AURKA: variants seen among roughly 807,000 people sequenced by gnomAD.
AURKA encodes the protein aurora 2.
A neutral mutation model predicts 40.9 loss-of-function variants in AURKA; 12 were observed. The observed-to-expected ratio is 0.29, with a 90% CI of 0.19 to 0.48. The LOEUF (loss-of-function observed/expected upper bound fraction) is 0.48. Among genes scored for constraint, AURKA ranks in the 20% least tolerant of loss-of-function variants. The pLI is 0.99. For missense variants in AURKA, 322 were observed against 462.1 expected, an observed-to-expected ratio of 0.70 and a Z score of 2.78; for synonymous variants, 170 against 164.3, an observed-to-expected ratio of 1.03 and a Z score of -0.26.
intron 1 of AURKA, among the ~76,000 whole-genome samples, chr20:56,389,655 G>A (rs77382732): frequency 0.019 from 2,907 of 152,062 alleles, 41 homozygotes; most frequent in Non-Finnish European, 0.03. Flanking sequence ...TTATCTGAGC[G>A]GCATCTCCAT....
Position 56,386,502 on chromosome 20 carries a change from A to G in AURKA, c.74T>C (p.Val25Ala). 1 of 1,614,238 alleles carries G rather than the reference A, an allele frequency of 6.2e-7. No individual in the cohort carries two copies. Among genetic ancestry groups the G allele is most frequent in the Non-Finnish European group, 8.5e-7 (1 of 1,180,040 alleles). ...ATAPVGGPKR[V>A]LVTQQFPCQN... Reference sequence around the variant, plus strand: ...ACAAGGAAATTGCTGAGTCACGAGAACACGTTTTGGACCTCCAACTGGAGC... The same window carrying G: ...ACAAGGAAATTGCTGAGTCACGAGAGCACGTTTTGGACCTCCAACTGGAGC... The change falls in exon 3 of 9, where the codon GTT (valine) becomes GCT (alanine). Residue 25 changes from valine to alanine, a missense_variant. Val to Ala is a moderately conservative substitution (Grantham distance 64, BLOSUM62 0). Coordinates refer to ENST00000395915, the MANE Select transcript of AURKA (RefSeq NM_198437.3).
intron 7 of AURKA, among the ~76,000 whole-genome samples, chr20:56,372,594 G>T (rs1039984015): frequency 2.0e-5 from 3 of 147,120 alleles, no homozygotes; most frequent in Admixed American, 6.8e-5. Context: ...GGAACAATTA[G>T]AAGTGCTCTG....
At chr20:56,388,504 C>G in intron 1 of AURKA, 1 of 422,626 alleles carries the variant, frequency 2.4e-6, no homozygotes. Flanking sequence ...ACTGGCATAC[C>G]TGCTACCTTA....
In AURKA at chr20:56,370,360, A is replaced by T. The variant is rs1983977363; in HGVS notation, c.1030-20T>A. 1 of 1,614,040 alleles carries T rather than the reference A, an allele frequency of 6.2e-7. No individual in the cohort carries two copies. The highest frequency in any genetic ancestry group is 1.3e-5 in the African/African-American group (1 of 74,938). ...TTCAACCTGGAGTACAACAAATGAT[A>T]AAATATCACAAAACACAGGTTAGAG... On this transcript the variant is annotated intron_variant, in intron 8 of 8. Coordinates refer to ENST00000395915, the MANE Select transcript of AURKA (RefSeq NM_198437.3).
At chr20:56,380,269 C>A (rs1436516630) in intron 6 of AURKA, among the ~76,000 whole-genome samples, 1 of 150,666 alleles carries the variant, frequency 6.6e-6, no homozygotes, top group Non-Finnish European at 1.5e-5. Context: ...GCAGAAGAAT[C>A]GCTTCAACCT....
intron 5 of AURKA, among the ~76,000 whole-genome samples, 171 bp from the exon 6 acceptor site, chr20:56,381,742 A>G (rs561716777): frequency 6.6e-6 from 1 of 152,122 alleles, no homozygotes; most frequent in Non-Finnish European, 1.5e-5. Context: ...AAATACATAC[A>G]CCCACATATC....
At chr20:56,390,226 G>A (rs926711997) in intron 1 of AURKA, among the ~76,000 whole-genome samples, 1 of 151,804 alleles carries the variant, frequency 6.6e-6, no homozygotes, top group South Asian at 2.1e-4. Flanking sequence ...TAAGTCCCCT[G>A]CCATAAGCAT....
At chr20:56,371,829 A>G (rs1054407639) in intron 7 of AURKA, among the ~76,000 whole-genome samples, 1 of 152,240 alleles carries the variant, frequency 6.6e-6, no homozygotes, top group Non-Finnish European at 1.5e-5. Context: ...AGGAGTGATC[A>G]TGGTTCTAGT....
intron 4 of AURKA, among the ~76,000 whole-genome samples, chr20:56,383,405 G>A (rs963146305): frequency 6.6e-6 from 1 of 152,162 alleles, no homozygotes; most frequent in African/African-American, 2.4e-5. Context: ...GAGCAGTCTC[G>A]GGTTTTAGAC....
At position 56,386,275 on chromosome 20, in the gene AURKA, G is replaced by C. The variant is rs1986348512; in HGVS notation, c.301C>G (p.Pro101Ala). 6.2e-7 allele frequency: 1 copy of C among 1,614,134 alleles called. No individual in the cohort carries two copies. The highest frequency in any genetic ancestry group is 1.7e-5 in the Admixed American group (1 of 60,008). ...PLNNTQKSKQ[P>A]LPSAPENNPE... is the part of the protein sequence containing the mutation. ...AGTTTACCAGGTGCCGATGGCAGGG[G>C]CTGCTTGCTCTTTTGGGTGTTATTC... Residue 101 changes from proline to alanine, a missense_variant, in exon 3 of 9, where the codon CCC (proline) becomes GCC (alanine). By Grantham distance (27) the Pro-to-Ala change is conservative. Transcript: ENST00000395915.
chr20:56,385,606 C>T (rs1986256109), intron 3 of AURKA, among the ~76,000 whole-genome samples: 2 of 152,018 alleles, frequency 1.3e-5, no homozygotes, highest in Non-Finnish European at 2.9e-5. Flanking sequence ...GGATTACAGG[C>T]GTGCACCACC....
At chr20:56,386,653 T>C in intron 2 of AURKA, 120 bp from the exon 3 acceptor site, 1 of 1,150,088 alleles carries the variant, frequency 8.7e-7, no homozygotes, top group Non-Finnish European at 1.3e-6. Flanking sequence ...TGATAAGAGA[T>C]GGAAGGTGAA....
intron 6 of AURKA, among the ~76,000 whole-genome samples, chr20:56,375,180 T>C (rs1478959052): frequency 1.3e-5 from 2 of 152,138 alleles, no homozygotes; most frequent in African/African-American, 4.8e-5. Flanking sequence ...CCTGGATTGC[T>C]ATGGCATGAT....
Position 56,381,496 on chromosome 20 carries a change from T to C in AURKA, c.642A>G (p.Pro214=). Residue 214 remains proline (P), a synonymous_variant, in exon 6 of 9, where the codon CCA becomes CCG. Coordinates refer to ENST00000395915, the MANE Select transcript of AURKA (RefSeq NM_198437.3). ...GAAGTTCTCTATAAACTGTTCCAAG[T>C]GGTGCATATTCCAGAATTAGGTAGA... The part of the protein sequence containing the change: ...TRVYLILEYA[P]LGTVYRELQK... The C allele has an allele frequency of 6.2e-7, 1 of 1,613,950 alleles. No homozygotes were observed. Among genetic ancestry groups the C allele is most frequent in the East Asian group, 2.2e-5 (1 of 44,830 alleles).
chr20:56,384,624 A>C (rs537794565), intron 3 of AURKA, among the ~76,000 whole-genome samples: 1 of 152,288 alleles, frequency 6.6e-6, no homozygotes, highest in East Asian at 1.9e-4. Context: ...GTTTCCAAAG[A>C]AGAGCTTTTG....
chr20:56,383,294 A>C (rs1261570000), intron 4 of AURKA, 118 bp from the exon 5 acceptor site: 5 of 1,078,370 alleles, frequency 4.6e-6, no homozygotes, highest in Admixed American at 3.9e-5. Flanking sequence ...CTCAATATGC[A>C]TCCTCAGCAA....
intron 1 of AURKA, among the ~76,000 whole-genome samples, chr20:56,389,793 CATA>C (rs1406156127): frequency 6.6e-6 from 1 of 152,220 alleles, no homozygotes; most frequent in Non-Finnish European, 1.5e-5. Flanking sequence ...AAAGCCTTGG[CATA>C]ATAACCCTTT....
chr20:56,390,007 G>A (rs1490816529), intron 1 of AURKA, among the ~76,000 whole-genome samples: 1 of 152,084 alleles, frequency 6.6e-6, no homozygotes, highest in African/African-American at 2.4e-5. Flanking sequence ...TAACACTGAG[G>A]CCGGCAATCT....
intron 6 of AURKA, among the ~76,000 whole-genome samples, chr20:56,375,306 T>C (rs1444115177): frequency 1.3e-5 from 2 of 149,508 alleles, no homozygotes; most frequent in Admixed American, 6.6e-5. Flanking sequence ...TTTTAATCTT[T>C]CTTTTTTTTT....
Sources: gnomAD v4.1 joint callset for allele counts (sites outside exome capture counted in the v4.1 genomes callset) on GRCh38, gnomAD v4.1.1 for gene constraint, MANE v1.5 for transcripts, NCBI Gene and HGNC (gene_info 2026-07-23, HGNC 2026-07-21) for gene names.